USP31: variants seen among roughly 807,000 people sequenced by gnomAD.
USP31 encodes ubiquitin carboxyl-terminal hydrolase 31.
Under a neutral mutation model 119.4 loss-of-function variants are expected in USP31, and 44 were observed. That is an observed-to-expected ratio of 0.37 (90% CI 0.29 to 0.47). The LOEUF (loss-of-function observed/expected upper bound fraction) is 0.47, where lower values mean the gene tolerates loss of function less well. Among genes scored for constraint, USP31 ranks in the 20% least tolerant of loss-of-function variants. The pLI, the probability that USP31 is intolerant of heterozygous loss-of-function variation, is 0.99. For synonymous variants in USP31, 749 were observed against 705.6 expected (o/e 1.06, Z -0.97); for missense variants, 1,643 against 1,730.2 (o/e 0.95, Z 0.89).
intron 13 of USP31, 84 bp downstream of exon 13, chr16:23,079,862 G>T: frequency 1.5e-6 from 2 of 1,295,216 alleles, no homozygotes; most frequent in Non-Finnish European, 1.0e-6. Flanking sequence ...GGGAAATGAG[G>T]CTCTAAAGTC....
chr16:23,139,140 C>T (rs1271560758), intron 1 of USP31, among the ~76,000 whole-genome samples: 7 of 152,186 alleles, frequency 4.6e-5, no homozygotes, highest in African/African-American at 9.7e-5. Flanking sequence ...CGGTGGCTCA[C>T]GCCTGTAATC....
chr16:23,112,941 T>C (rs1902370107), intron 1 of USP31, among the ~76,000 whole-genome samples: 1 of 150,610 alleles, frequency 6.6e-6, no homozygotes, highest in Admixed American at 6.6e-5. Flanking sequence ...GGCAGGAGAA[T>C]CGCTTGAACC....
At chr16:23,130,438 A>G (rs1279538496) in intron 1 of USP31, among the ~76,000 whole-genome samples, 1 of 150,646 alleles carries the variant, frequency 6.6e-6, no homozygotes, top group Non-Finnish European at 1.5e-5. Flanking sequence ...ATTTTTTAAT[A>G]TAATAAAATT....
At chr16:23,136,699 G>A (rs1403530896) in intron 1 of USP31, among the ~76,000 whole-genome samples, 1 of 149,912 alleles carries the variant, frequency 6.7e-6, no homozygotes, top group East Asian at 1.9e-4. Context: ...ACTACCAAGA[G>A]AGTGAATGAC....
intron 13 of USP31, 135 bp from the exon 14 acceptor site, chr16:23,074,015 G>A (rs1228065627): frequency 2.5e-6 from 3 of 1,185,242 alleles, no homozygotes; most frequent in Admixed American, 4.4e-5. Context: ...CACAGAAAGA[G>A]ATTAAAAAAA....
intron 1 of USP31, among the ~76,000 whole-genome samples, chr16:23,137,482 T>G (rs1903228175): frequency 6.6e-6 from 1 of 152,118 alleles, no homozygotes; most frequent in South Asian, 2.1e-4. Flanking sequence ...CAAGAACATT[T>G]GTAATACTGT....
intron 5 of USP31, among the ~76,000 whole-genome samples, chr16:23,103,102 A>C (rs927575311): frequency 1.3e-4 from 20 of 152,142 alleles, no homozygotes; most frequent in Non-Finnish European, 7.4e-5. Flanking sequence ...AGTTTCTCTA[A>C]GTTTTAGTGT....
intron 5 of USP31, 36 bp from the exon 6 acceptor site, chr16:23,102,499 G>A (rs778792377): frequency 6.3e-7 from 1 of 1,586,000 alleles, no homozygotes; most frequent in Non-Finnish European, 8.6e-7. Flanking sequence ...GTGGGTAACT[G>A]GAAATTCGAT....
intron 11 of USP31, among the ~76,000 whole-genome samples, chr16:23,084,200 T>A (rs908924025): frequency 1.3e-5 from 2 of 152,230 alleles, no homozygotes; most frequent in Non-Finnish European, 2.9e-5. Flanking sequence ...CTCCAAGTAC[T>A]CTAGTCAATG....
rs1414665514 is a variant in USP31, at chr16:23,062,560, G to A, written c.*5486C>T. On this transcript the variant is annotated 3_prime_UTR_variant, in exon 16 of 16. Transcript: ENST00000219689. Reference sequence around the variant, plus strand: ...AAAGGCAATAATTCTATCAAAAGCAGGGACAGGCTTTCCAAGGCTAGGAAG... The same window carrying A: ...AAAGGCAATAATTCTATCAAAAGCAAGGACAGGCTTTCCAAGGCTAGGAAG... The A allele has an allele frequency of 6.6e-6, 1 of 152,578 alleles. No homozygotes were observed. The highest frequency in any genetic ancestry group is 1.9e-4 in the East Asian group (1 of 5,196). The allele number at this position is 152,578 out of a possible 1,614,324, so 9.5% of individuals were successfully genotyped here. A position where few individuals can be genotyped will look rare whatever the true frequency, so the allele number is the denominator to read the frequency against.
In USP31 at chr16:23,148,907, C is replaced by T. The variant is rs374407227; in HGVS notation, c.364G>A (p.Glu122Lys). 13 of 1,396,798 alleles carry T rather than the reference C, an allele frequency of 9.3e-6. No homozygotes were observed. The highest frequency in any genetic ancestry group is 3.0e-5 in the African/African-American group (2 of 67,022). The allele number at this position is 1,396,798 out of a possible 1,614,324, so 86.5% of individuals were successfully genotyped here. Residue 122 changes from glutamate to lysine, a missense_variant, in exon 1 of 16, where the codon GAG becomes AAG. By Grantham distance (56) the Glu-to-Lys change is moderately conservative. Transcript: ENST00000219689. ...AGCCCCGCCACGCCGGGCACCGGCTCGGCGGCGCAAGCGGGCGGCGCGGGA... is the reference window on the plus strand; with the variant it reads ...AGCCCCGCCACGCCGGGCACCGGCTTGGCGGCGCAAGCGGGCGGCGCGGGA... ...ASPAPPACAA[E>K]PVPGVAGLRN...
At chr16:23,110,673 C>T (rs191408189) in intron 1 of USP31, among the ~76,000 whole-genome samples, 21 of 152,126 alleles carry the variant, frequency 1.4e-4, no homozygotes, top group Admixed American at 9.2e-4. Flanking sequence ...TCTGTTGCCC[C>T]ACTTCCTATT....
chr16:23,126,982 T>C (rs1013954200), intron 1 of USP31, among the ~76,000 whole-genome samples: 3 of 152,116 alleles, frequency 2.0e-5, no homozygotes, highest in Admixed American at 6.5e-5. Flanking sequence ...AGAAAGGCAA[T>C]AGAGTGGAAG....
intron 6 of USP31, among the ~76,000 whole-genome samples, chr16:23,100,546 A>G (rs4967970): frequency 0.28 from 42,798 of 151,916 alleles, 6,365 homozygotes; most frequent in Admixed American, 0.35. Flanking sequence ...GCTGAGGCAG[A>G]TGGATCACTT....
intron 12 of USP31, among the ~76,000 whole-genome samples, chr16:23,080,457 TA>T (rs939662365): frequency 1.3e-5 from 2 of 151,150 alleles, no homozygotes; most frequent in South Asian, 2.1e-4. Flanking sequence ...GCATTTGACT[TA>T]AAAAAAAATG....
chr16:23,121,415 T>A (rs1902664601), intron 1 of USP31, among the ~76,000 whole-genome samples: 1 of 152,174 alleles, frequency 6.6e-6, no homozygotes, highest in South Asian at 2.1e-4. Flanking sequence ...TCCAGTCTTC[T>A]CCTAGCAAAG....
At chr16:23,105,056 AG>A (rs1902038318) in intron 5 of USP31, among the ~76,000 whole-genome samples, 1 of 152,194 alleles carries the variant, frequency 6.6e-6, no homozygotes, top group Admixed American at 6.5e-5. Flanking sequence ...CACAATGGGA[AG>A]GGGTTTTCTA....
rs745314862 is a variant in USP31 at position 23,072,217 on chromosome 16, C to A, written c.2336-20G>T. The A allele has an allele frequency of 2.5e-6, 4 of 1,598,192 alleles. No individual in the cohort carries two copies. Among genetic ancestry groups the A allele is most frequent in the East Asian group, 2.2e-5 (1 of 44,780 alleles). Reference sequence around the variant, plus strand: ...TGGAGCCTGCAGAGAAGAAAACAGGCATAGAGGTCAGGCTGGGGTCCCTCG... The same window carrying A: ...TGGAGCCTGCAGAGAAGAAAACAGGAATAGAGGTCAGGCTGGGGTCCCTCG... On this transcript the variant is annotated intron_variant, in intron 14 of 15. Transcript: ENST00000219689.
intron 6 of USP31, among the ~76,000 whole-genome samples, chr16:23,093,843 C>T (rs1259604243): frequency 3.3e-5 from 5 of 152,234 alleles, no homozygotes; most frequent in Non-Finnish European, 7.3e-5. Flanking sequence ...GTATGGAATA[C>T]TGTTCGGCCA....
Sources: allele counts gnomAD v4.1 joint callset (sites outside exome capture counted in the v4.1 genomes callset), GRCh38; gene constraint gnomAD v4.1.1; transcripts MANE v1.5; gene names NCBI Gene and HGNC (gene_info 2026-07-23, HGNC 2026-07-21).